Variants in CYGB observed in about 807,000 individuals in gnomAD.
CYGB encodes histoglobin.
CYGB carries 13 observed loss-of-function variants against 20.7 expected under a neutral mutation model. That is an observed-to-expected ratio of 0.63 (90% confidence interval 0.41 to 1.00). The LOEUF (loss-of-function observed/expected upper bound fraction) is 1.00. Ranked by LOEUF, CYGB falls within the 50% of genes least tolerant of loss-of-function variation. CYGB has a pLI of 0.00. For synonymous variants in CYGB, 93 were observed against 107.4 expected (o/e 0.87, Z 0.83); for missense variants, 218 against 257.2 (o/e 0.85, Z 1.04).
At chr17:76,534,347 T>G (rs2074890506) in intron 1 of CYGB, among the ~76,000 whole-genome samples, 1 of 152,032 alleles carries the variant, frequency 6.6e-6, no homozygotes. Flanking sequence ...CCCGGCTAAT[T>G]TTTGTGTTTT....
upstream of CYGB, chr17:76,540,266 T>TGGGG (rs2074974709): frequency 2.9e-6 from 1 of 343,106 alleles, no homozygotes; most frequent in Non-Finnish European, 5.0e-6. The surrounding 1 kb of genome is among the most constrained non-coding windows in gnomAD (Gnocchi z 5.0). Context: ...GGGGGGGGCA[T>TGGGG]GGGGCTGGGC....
chr17:76,545,271 G>C (rs1159706637), intron 1 of CYGB: 1 of 456,784 alleles, frequency 2.2e-6, no homozygotes, highest in South Asian at 1.5e-5. Flanking sequence ...TGGGACCCGG[G>C]TGCCCCTTCC....
chr17:76,543,125 G>C (rs1469215529), intron 1 of CYGB: 2 of 470,934 alleles, frequency 4.2e-6, no homozygotes, highest in South Asian at 3.1e-5. Flanking sequence ...AGAGAAGGTA[G>C]ACGCCTCCCT....
chr17:76,531,318 T>G lies in CYGB; in HGVS notation c.375+142A>C. ...TGCCCTGGACCCAGCCCCTCCATCC[T>G]GCTGCCGGGCACTGCCCCTCCCTCT... On this transcript the variant is annotated intron_variant, in intron 2 of 3. Transcript: ENST00000293230. The surrounding 1 kb of genome is among the most constrained non-coding windows in gnomAD (Gnocchi z 7.4). 1.6e-6 allele frequency: 2 copies of G among 1,225,142 alleles called. No individual in the cohort carries two copies. Among genetic ancestry groups the G allele is most frequent in the Admixed American group, 2.4e-5 (1 of 41,852 alleles). 75.9% of individuals were successfully genotyped at this position (1,225,142 alleles called of 1,614,324 possible).
chr17:76,530,927 G>A lies in CYGB; in HGVS notation c.539+52C>T. On this transcript the variant is annotated intron_variant, in intron 3 of 3. Coordinates refer to ENST00000293230, the MANE Select transcript of CYGB (RefSeq NM_134268.5). This position sits in a 1 kb window ranked among gnomAD's most constrained non-coding sequence, Gnocchi z 6.1. ...GGAGATATGGGAGACCTCGGGGACAGCAGAGGACATGGCGGGGAGGCTGCC... is the reference window on the plus strand; with the variant it reads ...GGAGATATGGGAGACCTCGGGGACAACAGAGGACATGGCGGGGAGGCTGCC... The A allele has an allele frequency of 1.3e-6, 2 of 1,519,974 alleles. No homozygotes were observed. The highest frequency in any genetic ancestry group is 1.8e-6 in the Non-Finnish European group (2 of 1,129,240). The allele number at this position is 1,519,974 out of a possible 1,614,324, so 94.2% of individuals were successfully genotyped here. A position where few individuals can be genotyped will look rare whatever the true frequency, so the allele number is the denominator to read the frequency against.
intron 3 of CYGB, chr17:76,529,240 G>A (rs2074804590): frequency 1.0e-6 from 1 of 985,456 alleles, no homozygotes; most frequent in African/African-American, 1.7e-5. Flanking sequence ...TGCAGGCTCA[G>A]GCCAGGGACA....
At chr17:76,544,825 A>G (rs2143180168) in intron 1 of CYGB, 3 of 456,790 alleles carry the variant, frequency 6.6e-6, no homozygotes, top group South Asian at 3.1e-5. Context: ...CACTGGTCTG[A>G]GGAATTGTCA....
intron 1 of CYGB, chr17:76,544,527 AG>A (rs1269411756): frequency 2.2e-6 from 1 of 456,572 alleles, no homozygotes; most frequent in South Asian, 1.5e-5. Context: ...TAGGGCAGGC[AG>A]GAGGCAGGGG....
chr17:76,547,305 G>C (rs1272633766), intron 1 of CYGB: 1 of 152,360 alleles, frequency 6.6e-6, no homozygotes, highest in African/African-American at 2.4e-5. Flanking sequence ...GCCTCCTTCA[G>C]CCAGGGGCAG....
intron 1 of CYGB, chr17:76,543,920 G>GA: frequency 2.1e-6 from 1 of 470,692 alleles, no homozygotes; most frequent in Non-Finnish European, 4.4e-6. Context: ...CTTGTCCTCC[G>GA]AATGTGTTTT....
intron 1 of CYGB, chr17:76,545,373 T>TGTCCGCACTGAGGCTGA: frequency 2.2e-6 from 1 of 456,686 alleles, no homozygotes; most frequent in Non-Finnish European, 4.4e-6. Context: ...ACTATGACAC[T>TGTCCGCACTGAGGCTGA]GTCCCCACTG....
In CYGB at chr17:76,530,738, G is replaced by C. The variant is rs1201126738; in HGVS notation, c.539+241C>G. The stretch of plus-strand genomic sequence containing the variant: ...CTCCCTGGCTCTAGGGAAGGGGAAG[G>C]CTCTTTGGGAGGATTTTTGCTCAGG... On this transcript the variant is annotated intron_variant, in intron 3 of 3. Transcript: ENST00000293230. This position sits in a 1 kb window ranked among gnomAD's most constrained non-coding sequence, Gnocchi z 6.1. Among the ~76,000 whole-genome samples, 4 of 152,158 alleles carry C rather than the reference G, an allele frequency of 2.6e-5. No individual in the cohort carries two copies. Among genetic ancestry groups the C allele is most frequent in the Admixed American group, 2.6e-4 (4 of 15,290 alleles).
upstream of CYGB, chr17:76,540,101 T>C (rs751966024): frequency 6.3e-7 from 1 of 1,576,616 alleles, no homozygotes; most frequent in Non-Finnish European, 8.6e-7. The surrounding 1 kb of genome is among the most constrained non-coding windows in gnomAD (Gnocchi z 5.0). Flanking sequence ...GCCTGTGGCC[T>C]TCTGCAGACT....
upstream of CYGB, chr17:76,540,205 C>A: frequency 1.3e-6 from 2 of 1,587,432 alleles, no homozygotes; most frequent in Non-Finnish European, 1.7e-6. This position sits in a 1 kb window ranked among gnomAD's most constrained non-coding sequence, Gnocchi z 5.0. Context: ...ATTTGCCAAC[C>A]GAGTCCAACC....
chr17:76,542,652 C>T, upstream of CYGB: 6 of 1,531,582 alleles, frequency 3.9e-6, no homozygotes, highest in Non-Finnish European at 5.4e-6. Flanking sequence ...GGGCTGGGAG[C>T]CGGGGAGGGC....
At chr17:76,543,378 ATAAG>A (rs762765889) in intron 1 of CYGB, 5 of 339,854 alleles carry the variant, frequency 1.5e-5, no homozygotes, top group Non-Finnish European at 2.9e-5. Flanking sequence ...AGAGGCAGGA[ATAAG>A]TAAGGAGTGA....
At chr17:76,538,424 C>T (rs543366924), upstream of CYGB, 138 of 446,684 alleles carry the variant, frequency 3.1e-4, 6 homozygotes, top group South Asian at 2.2e-3. Flanking sequence ...CCCTCTCCTT[C>T]CGCCCAGCAC....
At chr17:76,545,021 G>A (rs1165455079) in intron 1 of CYGB, 2 of 455,126 alleles carry the variant, frequency 4.4e-6, no homozygotes, top group Non-Finnish European at 8.8e-6. Context: ...CCTGGGCTTG[G>A]AGGTTGCCTG....
chr17:76,544,863 C>T (rs1302497694), intron 1 of CYGB: 1 of 456,804 alleles, frequency 2.2e-6, no homozygotes, highest in Non-Finnish European at 4.4e-6. Context: ...TGGCTCACGG[C>T]CCAGACGCAC....
Sources: gnomAD v4.1 joint callset for allele counts (sites outside exome capture counted in the v4.1 genomes callset) on GRCh38, gnomAD v4.1.1 for gene constraint, Gnocchi (gnomAD v3.1) non-coding constraint, MANE v1.5 for transcripts, NCBI Gene and HGNC (gene_info 2026-07-23, HGNC 2026-07-21) for gene names.